Variants in FOXN3 observed in about 807,000 individuals in gnomAD.
FOXN3 encodes forkhead box protein N3.
Under a neutral mutation model 38.4 loss-of-function variants are expected in FOXN3, and 7 were observed. The ratio of observed to expected loss-of-function variants is 0.18; its 90% CI spans 0.10 to 0.34. The LOEUF is 0.34. Ranked by LOEUF, FOXN3 falls within the 10% of genes least tolerant of loss-of-function variation. The pLI is 1.00. For synonymous variants in FOXN3, 230 were observed against 242.2 expected (o/e 0.95, Z 0.47); for missense variants, 456 against 613.4 (o/e 0.74, Z 2.71).
chr14:89,261,476 T>C (rs1885798293), intron 4 of FOXN3, among the ~76,000 whole-genome samples: 1 of 152,194 alleles, frequency 6.6e-6, no homozygotes, highest in African/African-American at 2.4e-5. Context: ...CTTTTCTACC[T>C]TTCCATATTT....
chr14:89,389,128 C>T (rs1397261095), intron 2 of FOXN3, among the ~76,000 whole-genome samples: 1 of 152,130 alleles, frequency 6.6e-6, no homozygotes, highest in African/African-American at 2.4e-5. Context: ...CTGAGGGGAA[C>T]TTACAGGCCC....
chr14:89,589,183 A>G (rs1192457773), intron 1 of FOXN3, among the ~76,000 whole-genome samples: 1 of 152,056 alleles, frequency 6.6e-6, no homozygotes, highest in East Asian at 1.9e-4. Flanking sequence ...TACCATGTGC[A>G]CTCCCAGATC....
intron 1 of FOXN3, among the ~76,000 whole-genome samples, chr14:89,562,157 T>G (rs562624081): frequency 1.3e-5 from 2 of 152,358 alleles, no homozygotes; most frequent in Non-Finnish European, 2.9e-5. Flanking sequence ...GGTACGTGTG[T>G]ACACAGATCG....
At chr14:89,526,696 T>G (rs1894439111) in intron 1 of FOXN3, among the ~76,000 whole-genome samples, 1 of 152,174 alleles carries the variant, frequency 6.6e-6, no homozygotes, top group Non-Finnish European at 1.5e-5. Flanking sequence ...AGATTTAAAG[T>G]ATTCCCAACA....
At chr14:89,265,089 T>C (rs1238966725) in intron 4 of FOXN3, among the ~76,000 whole-genome samples, 1 of 152,212 alleles carries the variant, frequency 6.6e-6, no homozygotes, top group Non-Finnish European at 1.5e-5. Context: ...ACCTTTGCCT[T>C]TGCCTTCATG....
At chr14:89,318,267 T>C (rs910902206) in intron 3 of FOXN3, among the ~76,000 whole-genome samples, 11 of 151,588 alleles carry the variant, frequency 7.3e-5, no homozygotes, top group Non-Finnish European at 1.2e-4. Context: ...CAAGTGATTC[T>C]CTTGCTTCAG....
intron 1 of FOXN3, among the ~76,000 whole-genome samples, chr14:89,585,215 CTA>C (rs1895819375): frequency 6.6e-6 from 1 of 152,114 alleles, no homozygotes; most frequent in South Asian, 2.1e-4. Flanking sequence ...CCTTCTTCAC[CTA>C]TATTTTTGCC....
At chr14:89,278,249 A>G (rs1043279924) in intron 4 of FOXN3, among the ~76,000 whole-genome samples, 2 of 152,182 alleles carry the variant, frequency 1.3e-5, no homozygotes, top group Non-Finnish European at 2.9e-5. Flanking sequence ...AGCCAAGCAA[A>G]AGGGAAACCC....
chr14:89,604,172 C>T (rs1896216417), intron 1 of FOXN3, among the ~76,000 whole-genome samples: 1 of 151,770 alleles, frequency 6.6e-6, no homozygotes, highest in South Asian at 2.1e-4. Context: ...AAAGAATTCC[C>T]ACTAATAGAG....
chr14:89,262,186 T>C lies in FOXN3; in HGVS notation c.745+18764A>G, dbSNP rs192528090. Among the ~76,000 whole-genome samples, 696 of 152,180 alleles carry C rather than the reference T, an allele frequency of 4.6e-3. 8 individuals are homozygous for C. The highest frequency in any genetic ancestry group is 0.016 in the African/African-American group (662 of 41,526). ...GCTGGAAAAGAGAGCTGGACTGACC[T>C]GAGAAGGGGCAGGTTTTACCACCAG... On this transcript the variant is annotated intron_variant, in intron 4 of 5. Transcript: ENST00000557258.
chr14:89,219,472 T>C (rs1884385351), intron 4 of FOXN3, among the ~76,000 whole-genome samples: 1 of 152,234 alleles, frequency 6.6e-6, no homozygotes, highest in Non-Finnish European at 1.5e-5. Context: ...TCTAACTTTG[T>C]GTTTGCACAT....
chr14:89,166,142 G>T (rs191354625), intron 5 of FOXN3, among the ~76,000 whole-genome samples: 178 of 152,208 alleles, frequency 1.2e-3, no homozygotes, highest in African/African-American at 4.1e-3. Context: ...TTAAATCAAA[G>T]TTTTAGGGAG....
Position 89,336,160 on chromosome 14 carries a change from ACACACACAC to A in FOXN3, c.680+14503_680+14511del, listed in dbSNP as rs1183224010. ...CTTACACACACACACACACACACAC[ACACACACAC>A]ACATTCATAATCCTTAGTCACCCCT... On this transcript the variant is annotated intron_variant, in intron 3 of 5. Coordinates refer to ENST00000557258, the MANE Select transcript of FOXN3 (RefSeq NM_005197.4). Among the ~76,000 whole-genome samples the A allele has an allele frequency of 3.5e-5, 5 of 143,374 alleles. No individual in the cohort carries two copies. The South Asian group carries it at 7.0e-4, about 20-fold the overall frequency. 94.1% of individuals were successfully genotyped at this position (143,374 alleles called of 152,430 possible).
chr14:89,302,666 T>A (rs77732092), intron 3 of FOXN3, among the ~76,000 whole-genome samples: 2 of 152,120 alleles, frequency 1.3e-5, no homozygotes, highest in African/African-American at 4.8e-5. Flanking sequence ...TGCCTTCCTC[T>A]TCAATGCTAC....
chr14:89,570,726 G>A (rs1261933947), intron 1 of FOXN3, among the ~76,000 whole-genome samples: 1 of 151,360 alleles, frequency 6.6e-6, no homozygotes, highest in Non-Finnish European at 1.5e-5. Flanking sequence ...ATTACTGTTA[G>A]TGTATTTTAT....
intron 1 of FOXN3, among the ~76,000 whole-genome samples, chr14:89,603,943 T>C (rs888852022): frequency 1.3e-5 from 2 of 151,958 alleles, no homozygotes; most frequent in African/African-American, 2.4e-5. Context: ...GTCTCAAAAA[T>C]AAGTGCTAAG....
intron 1 of FOXN3, among the ~76,000 whole-genome samples, chr14:89,546,657 T>G (rs1894891537): frequency 6.6e-6 from 1 of 151,970 alleles, no homozygotes; most frequent in African/African-American, 2.4e-5. Context: ...AAAATAATTT[T>G]TTATATTATA....
chr14:89,610,915 G>A (rs950577287), intron 1 of FOXN3, among the ~76,000 whole-genome samples: 3 of 152,166 alleles, frequency 2.0e-5, no homozygotes, highest in African/African-American at 7.2e-5. Context: ...TGTGAAATCA[G>A]ACCTGTGAAA....
At chr14:89,297,979 T>C (rs896725337) in intron 3 of FOXN3, among the ~76,000 whole-genome samples, 27 of 152,076 alleles carry the variant, frequency 1.8e-4, no homozygotes, top group African/African-American at 4.8e-4. Flanking sequence ...ACAGAGAACA[T>C]GTCTCTAAAA....
Sources: gnomAD v4.1 joint callset for allele counts (sites outside exome capture counted in the v4.1 genomes callset) on GRCh38, gnomAD v4.1.1 for gene constraint, MANE v1.5 for transcripts, NCBI Gene and HGNC (gene_info 2026-07-23, HGNC 2026-07-21) for gene names.